The following SLC2A9 variants were observed in gnomAD, a reference collection of about 807,000 sequenced individuals.
The protein encoded by SLC2A9 is solute carrier family 2, facilitated glucose transporter member 9.
In SLC2A9, 39 loss-of-function variants were observed where a neutral mutation model predicts 50.6. The ratio of observed to expected loss-of-function variants is 0.77; its 90% CI spans 0.60 to 1.01. The LOEUF (loss-of-function observed/expected upper bound fraction) is 1.01. SLC2A9 is among the 50% of genes least tolerant of loss of function. The pLI is 0.00. For synonymous variants in SLC2A9, 324 were observed against 276.9 expected (o/e 1.17, Z -1.69); for missense variants, 686 against 677.6 (o/e 1.01, Z -0.14).
intron 7 of SLC2A9, among the ~76,000 whole-genome samples, chr4:9,912,570 T>C (rs1036569642): frequency 3.3e-5 from 5 of 152,204 alleles, no homozygotes; most frequent in African/African-American, 1.2e-4. Flanking sequence ...CAGTTGGGCA[T>C]GCCTAAGGAT....
At chr4:9,980,485 T>C (rs749305778) in intron 5 of SLC2A9, 107 bp downstream of exon 5, 83 of 1,476,280 alleles carry the variant, frequency 5.6e-5, no homozygotes, top group Admixed American at 4.3e-4. Context: ...GAGGCTTGAA[T>C]ACCAGAAATT....
chr4:9,787,896 T>A (rs1470334119), intron 3 of SLC2A9, among the ~76,000 whole-genome samples: 1 of 152,244 alleles, frequency 6.6e-6, no homozygotes, highest in East Asian at 1.9e-4. Context: ...ATGTTAACTT[T>A]GCTCATGAGG....
upstream of SLC2A9, chr4:10,025,666 C>T (rs1763725850): frequency 1.9e-6 from 1 of 518,974 alleles, no homozygotes; most frequent in African/African-American, 1.9e-5. Context: ...ACTTTTGCCC[C>T]AAGCCCAGAA....
intron 3 of SLC2A9, among the ~76,000 whole-genome samples, chr4:9,800,741 A>G (rs1721287350): frequency 6.6e-6 from 1 of 152,252 alleles, no homozygotes; most frequent in Admixed American, 6.5e-5. Flanking sequence ...TAGCATTTAC[A>G]ACGCATCAGG....
At chr4:9,898,274 G>A (rs1170041955) in intron 8 of SLC2A9, among the ~76,000 whole-genome samples, 1 of 152,154 alleles carries the variant, frequency 6.6e-6, no homozygotes, top group East Asian at 1.9e-4. Context: ...AAGGAAGGTA[G>A]TCTCCAAATA....
chr4:9,878,657 T>G (rs554389852), intron 10 of SLC2A9, among the ~76,000 whole-genome samples: 1 of 152,134 alleles, frequency 6.6e-6, no homozygotes, highest in Admixed American at 6.5e-5. Context: ...GGCACTTTCC[T>G]GAGTTCTGGG....
At chr4:9,899,446 C>T (rs1270461417) in intron 8 of SLC2A9, among the ~76,000 whole-genome samples, 1 of 152,190 alleles carries the variant, frequency 6.6e-6, no homozygotes, top group Non-Finnish European at 1.5e-5. Context: ...AAAGGCTAAT[C>T]TTTACTTTCA....
At chr4:9,792,163 C>CTTTTTT (rs34289788) in intron 3 of SLC2A9, among the ~76,000 whole-genome samples, 83 of 77,214 alleles carry the variant, frequency 1.1e-3, no homozygotes, top group African/African-American at 1.3e-3. Context: ...TTCTATGTTT[C>CTTTTTT]TTTTTTTTTT....
At chr4:9,942,972 G>T (rs1417861198) in intron 5 of SLC2A9, among the ~76,000 whole-genome samples, 3 of 152,214 alleles carry the variant, frequency 2.0e-5, no homozygotes, top group African/African-American at 7.2e-5. Flanking sequence ...GACCTGAAAA[G>T]ACTTCACATG....
At position 9,908,390 on chromosome 4, in the gene SLC2A9, G is replaced by A. The variant is rs368382152; in HGVS notation, c.1003-45C>T. The A allele has an allele frequency of 5.2e-6, 7 of 1,348,040 alleles. No homozygotes were observed. In the African/African-American group the frequency reaches 8.5e-5, roughly 16 times the overall value. The allele number at this position is 1,348,040 out of a possible 1,614,324, so 83.5% of individuals were successfully genotyped here. On this transcript the variant is annotated intron_variant, in intron 7 of 11. Coordinates refer to ENST00000264784, the MANE Select transcript of SLC2A9 (RefSeq NM_020041.3). ...GAGCAGAGAGAATGGTCAGTGGAAG[G>A]ACTTAATCTATTTTCTAAATCAAAT...
intron 6 of SLC2A9, among the ~76,000 whole-genome samples, chr4:9,934,901 T>G (rs2110206544): frequency 6.6e-6 from 1 of 152,340 alleles, no homozygotes; most frequent in African/African-American, 2.4e-5. Context: ...AGTGAGAGCA[T>G]GCGGTGTTTG....
Position 9,962,498 on chromosome 4 carries a change from A to G in SLC2A9, c.681+18094T>C, listed in dbSNP as rs564542799. On this transcript the variant is annotated intron_variant, in intron 5 of 11. Coordinates refer to ENST00000264784, the MANE Select transcript of SLC2A9 (RefSeq NM_020041.3). The stretch of plus-strand genomic sequence containing the variant: ...AACCAAACACTGCATGTTCTCACTT[A>G]TAAGTGGGAGCTGAAGAATGAGAAC... Among the ~76,000 whole-genome samples the G allele has an allele frequency of 4.8e-4, 73 of 152,320 alleles. 1 individual carries two copies. Among genetic ancestry groups the G allele is most frequent in the African/African-American group, 1.7e-3 (71 of 41,558 alleles).
intron 1 of SLC2A9, 45 bp downstream of exon 1, chr4:10,021,235 T>C (rs1349844399): frequency 1.2e-6 from 2 of 1,602,192 alleles, no homozygotes; most frequent in African/African-American, 2.7e-5. Context: ...CAGGCCTGCC[T>C]TCCCCACAGC....
downstream of SLC2A9, among the ~76,000 whole-genome samples, chr4:9,796,780 C>G (rs976890597): frequency 3.3e-5 from 5 of 152,198 alleles, no homozygotes; most frequent in African/African-American, 1.2e-4. Context: ...TGAGAGGATC[C>G]AGGGAAGTAG....
At chr4:9,869,285 T>C (rs1405366922) in intron 10 of SLC2A9, among the ~76,000 whole-genome samples, 8 of 152,222 alleles carry the variant, frequency 5.3e-5, no homozygotes, top group Non-Finnish European at 7.3e-5. Context: ...AATTCTCACA[T>C]GCAAACCTGG....
intron 7 of SLC2A9, among the ~76,000 whole-genome samples, chr4:9,917,621 G>A (rs1451894145): frequency 6.6e-6 from 1 of 152,124 alleles, no homozygotes; most frequent in African/African-American, 2.4e-5. Context: ...ACAAGACACT[G>A]CACCCAGCAA....
chr4:9,799,692 A>ACCCCCC lies in SLC2A9; in HGVS notation n.421-457_421-452dup, dbSNP rs57223650. 6.4e-3 allele frequency among the ~76,000 whole-genome samples: 443 copies of ACCCCCC among 69,746 alleles called. 4 individuals are homozygous for ACCCCCC. Among genetic ancestry groups the ACCCCCC allele is most frequent in the African/African-American group, 8.7e-3 (153 of 17,630 alleles). 45.8% of individuals were successfully genotyped at this position (69,746 alleles called of 152,430 possible). ...GCTTTCTGAGCTCCATTCCAATTGT[A>ACCCCCC]CCCCCCCCCCACCCAACTTCTACAC... On this transcript the variant is annotated intron_variant and non_coding_transcript_variant, in intron 3 of 3. Coordinates refer to the SLC2A9 transcript ENST00000503280.
At chr4:9,842,312 TC>T (rs1728209560) in intron 10 of SLC2A9, among the ~76,000 whole-genome samples, 1 of 152,186 alleles carries the variant, frequency 6.6e-6, no homozygotes, top group Non-Finnish European at 1.5e-5. Flanking sequence ...ATCATATGCT[TC>T]AAAATTAAAG....
intron 1 of SLC2A9, among the ~76,000 whole-genome samples, chr4:10,039,966 C>T (rs1241480610): frequency 6.6e-6 from 1 of 152,238 alleles, no homozygotes; most frequent in African/African-American, 2.4e-5. Flanking sequence ...CTGCACCCAC[C>T]TGCCCCTGGC....
Sources: allele counts gnomAD v4.1 joint callset (sites outside exome capture counted in the v4.1 genomes callset), GRCh38; gene constraint gnomAD v4.1.1; transcripts MANE v1.5; gene names NCBI Gene and HGNC (gene_info 2026-07-23, HGNC 2026-07-21).